CATSPER2: variants seen among roughly 807,000 people sequenced by gnomAD.
The protein encoded by CATSPER2 is cation channel sperm-associated protein 2.
A neutral mutation model predicts 68.8 loss-of-function variants in CATSPER2; 56 were observed. That is an observed-to-expected ratio of 0.81 (90% confidence interval 0.66 to 1.02). The LOEUF is 1.02. Ranked by LOEUF, CATSPER2 falls within the 50% of genes least tolerant of loss-of-function variation. CATSPER2 has a pLI of 0.00. For missense variants in CATSPER2, 582 were observed against 642.0 expected (o/e 0.91, Z 1.01); for synonymous variants, 198 against 229.9 (o/e 0.86, Z 1.26).
chr15:43,643,020 C>T (rs28678252), intron 4 of CATSPER2: 9 of 152,010 alleles, frequency 5.9e-5, no homozygotes, highest in East Asian at 1.9e-4. Flanking sequence ...AACATCTATG[C>T]TTCAATATTC....
In CATSPER2 at chr15:43,647,934, G is replaced by C. The variant is rs750856647; in HGVS notation, c.128C>G (p.Thr43Ser). The C allele has an allele frequency of 6.2e-7, 1 of 1,613,554 alleles. No individual in the cohort carries two copies. Among genetic ancestry groups the C allele is most frequent in the Non-Finnish European group, 8.5e-7 (1 of 1,179,692 alleles). The part of the protein sequence containing the change: ...QGLSQAVPRH[T>S]IRELLDPSRQ... Reference sequence around the variant, plus strand: ...CTGCTGACCAAGTAACTCCCTGATAGTGTGCCGCGGCACAGCTTGGCTCAA... The same window carrying C: ...CTGCTGACCAAGTAACTCCCTGATACTGTGCCGCGGCACAGCTTGGCTCAA... The change falls in exon 2 of 13, where the codon ACT (threonine) becomes AGT (serine). Residue 43 changes from threonine (T) to serine (S), a missense_variant. Thr to Ser is a moderately conservative substitution (Grantham distance 58). This residue lies in a region of CATSPER2 where 197 missense variants were observed against 191.0 expected (regional missense o/e 1.03). Coordinates refer to ENST00000396879, the MANE Select transcript of CATSPER2 (RefSeq NM_172095.4).
At chr15:43,647,550 G>C in intron 2 of CATSPER2, 83 bp from the exon 3 acceptor site, 1 of 1,309,110 alleles carries the variant, frequency 7.6e-7, no homozygotes, top group Non-Finnish European at 1.1e-6. Context: ...TACTGGTCAG[G>C]TAATGGGTTC....
intron 4 of CATSPER2, among the ~76,000 whole-genome samples, chr15:43,641,057 T>C (rs1289505005): frequency 6.6e-6 from 1 of 152,046 alleles, no homozygotes; most frequent in Non-Finnish European, 1.5e-5. Context: ...CAAAGCAAAC[T>C]GAATGCAAAT....
Position 43,635,749 on chromosome 15 carries a change from A to G in CATSPER2, c.1099T>C (p.Phe367Leu), listed in dbSNP as rs140027806. Residue 367 changes from phenylalanine (F) to leucine (L), a missense_variant, in exon 9 of 13, where the codon TTC becomes CTC. Physicochemically the swap from Phe to Leu is conservative, Grantham distance 22. Coordinates refer to ENST00000396879, the MANE Select transcript of CATSPER2 (RefSeq NM_172095.4). The stretch of plus-strand genomic sequence containing the variant: ...GACCTCTGGATGATCTGCCGCTTGA[A>G]CATGTCAGCTTTGAGCTGAACCTCC... The part of the protein sequence containing the change: ...RREVQLKADM[F>L]KRQIIQRRKN... 61 of 1,613,408 alleles carry G rather than the reference A, an allele frequency of 3.8e-5. 1 individual carries two copies. The African/African-American group carries it at 6.5e-4, about 17-fold the overall frequency.
chr15:43,637,126 T>A (rs1213693668), intron 7 of CATSPER2, among the ~76,000 whole-genome samples: 3 of 152,044 alleles, frequency 2.0e-5, no homozygotes, highest in East Asian at 3.9e-4. Context: ...GCTGGCCATT[T>A]TTTCTAATTT....
At chr15:43,636,621 C>A (rs1214090983) in intron 7 of CATSPER2, among the ~76,000 whole-genome samples, 3 of 151,434 alleles carry the variant, frequency 2.0e-5, no homozygotes. Flanking sequence ...GAACTCCTGA[C>A]CTAAGGTGAT....
At position 43,635,631 on chromosome 15, in the gene CATSPER2, T is replaced by C; in HGVS notation, c.1121+96A>G. ...CTTATCCTTGGGGGCAAATCTACTG[T>C]CACAAAGGGAAAAGTGGGGTCGAGA... On this transcript the variant is annotated intron_variant, in intron 9 of 12. Transcript: ENST00000396879. 1.7e-5 allele frequency: 20 copies of C among 1,204,298 alleles called. No individual in the cohort carries two copies. The South Asian group carries it at 2.4e-4, about 14-fold the overall frequency. The allele number at this position is 1,204,298 out of a possible 1,614,324, so 74.6% of individuals were successfully genotyped here.
intron 4 of CATSPER2, chr15:43,642,931 G>A (rs2086097856): frequency 6.6e-6 from 1 of 151,988 alleles, no homozygotes; most frequent in Non-Finnish European, 1.5e-5. Context: ...GCAAGGCAAA[G>A]GAGTCTTAAT....
chr15:43,648,189 G>C, intron 1 of CATSPER2, 126 bp from the exon 2 acceptor site: 5 of 1,118,288 alleles, frequency 4.5e-6, no homozygotes, highest in Non-Finnish European at 6.8e-6. Context: ...CCACATCTAC[G>C]AACTAGGAGC....
intron 7 of CATSPER2, among the ~76,000 whole-genome samples, chr15:43,637,100 G>A (rs2085978526): frequency 6.6e-6 from 1 of 151,930 alleles, no homozygotes; most frequent in African/African-American, 2.4e-5. Context: ...TGGGATTACA[G>A]GTGTGAGCCA....
intron 10 of CATSPER2, chr15:43,635,006 G>A (rs2085938061): frequency 6.2e-6 from 2 of 322,816 alleles, no homozygotes; most frequent in Admixed American, 4.7e-5. Context: ...GGTGGCATTA[G>A]CCCCAACCTC....
In CATSPER2 at chr15:43,639,014, G is replaced by C. The variant is rs1178782887; in HGVS notation, c.732C>G (p.Leu244=). ...AGAAGAAGATGAGCAGCAACATCAAGAGGAAGGTCATGCTCTAGAGGCCAT... is the reference window on the plus strand; with the variant it reads ...AGAAGAAGATGAGCAGCAACATCAACAGGAAGGTCATGCTCTAGAGGCCAT... ...LVRALKSMTF[L]LMLLLIFFYI... Residue 244 remains leucine (L), a synonymous_variant, in exon 7 of 13, where the codon CTC becomes CTG. Transcript: ENST00000396879. 1.2e-6 allele frequency: 2 copies of C among 1,612,522 alleles called. No homozygotes were observed. Among genetic ancestry groups the C allele is most frequent in the African/African-American group, 1.3e-5 (1 of 74,760 alleles).
intron 4 of CATSPER2, chr15:43,642,482 T>G (rs951375243): frequency 5.0e-4 from 68 of 136,738 alleles, no homozygotes; most frequent in African/African-American, 1.8e-3. Context: ...AATACAAAAT[T>G]TTTTCACTTA....
At chr15:43,644,641 C>T (rs1182358786) in intron 4 of CATSPER2, among the ~76,000 whole-genome samples, 16 of 151,902 alleles carry the variant, frequency 1.1e-4, no homozygotes, top group Admixed American at 4.6e-4. Flanking sequence ...TAGATTCTCA[C>T]AGGAGGGCGA....
intron 7 of CATSPER2, 130 bp from the exon 8 acceptor site, chr15:43,636,349 A>G: frequency 7.8e-7 from 1 of 1,277,910 alleles, no homozygotes; most frequent in Non-Finnish European, 1.1e-6. Context: ...CTTTTCTACC[A>G]TACTCAGTTT....
chr15:43,634,473 C>G (rs1007718126), intron 10 of CATSPER2: 1 of 151,998 alleles, frequency 6.6e-6, no homozygotes, highest in Non-Finnish European at 1.5e-5. Flanking sequence ...ACCAGTTTTC[C>G]AAAATGCTGG....
At position 43,635,492 on chromosome 15, in the gene CATSPER2, T is replaced by C. The variant is rs911123329; in HGVS notation, c.1122-76A>G. On this transcript the variant is annotated intron_variant, in intron 9 of 12. Transcript: ENST00000396879. ...TGTGGTAAGAAAAAAAAAGTTCATA[T>C]CAGAAAGTGAAGAAAACTAATTGGG... 3.9e-5 allele frequency: 59 copies of C among 1,508,950 alleles called. No homozygotes were observed. The East Asian group carries it at 8.1e-4, about 21-fold the overall frequency. The allele number at this position is 1,508,950 out of a possible 1,614,324, so 93.5% of individuals were successfully genotyped here.
chr15:43,635,523 C>T (rs1170547584), intron 9 of CATSPER2, 107 bp from the exon 10 acceptor site: 13 of 1,295,838 alleles, frequency 1.0e-5, no homozygotes, highest in Non-Finnish European at 1.4e-5. Context: ...TTGGGGAGAA[C>T]AAATTGTAGT....
chr15:43,637,092 G>T (rs2085978368), intron 7 of CATSPER2, among the ~76,000 whole-genome samples: 1 of 151,768 alleles, frequency 6.6e-6, no homozygotes, highest in Non-Finnish European at 1.5e-5. Context: ...TAAAGTGCTG[G>T]GATTACAGGT....
Sources: gnomAD v4.1 joint callset for allele counts (sites outside exome capture counted in the v4.1 genomes callset) on GRCh38, gnomAD v4.1.1 for gene constraint, gnomAD v4.1.1 regional missense constraint, MANE v1.5 for transcripts, NCBI Gene and HGNC (gene_info 2026-07-23, HGNC 2026-07-21) for gene names.